The following RNF8 variants were observed in gnomAD, a reference collection of about 807,000 sequenced individuals.
RNF8 encodes ring finger protein 8, also known as E3 ubiquitin-protein ligase RNF8.
A neutral mutation model predicts 59.3 loss-of-function variants in RNF8; 8 were observed. That is an observed-to-expected ratio of 0.13 (90% CI 0.08 to 0.24). The LOEUF (loss-of-function observed/expected upper bound fraction) is 0.24, where lower values mean the gene tolerates loss of function less well. Ranked by LOEUF, RNF8 falls within the 10% of genes least tolerant of loss-of-function variation. RNF8 has a pLI of 1.00. For missense variants in RNF8, 406 were observed against 572.6 expected (o/e 0.71, Z 2.97); for synonymous variants, 162 against 200.0 (o/e 0.81, Z 1.60).
intron 6 of RNF8, among the ~76,000 whole-genome samples, chr6:37,378,761 C>A (rs1206530346): frequency 1.3e-5 from 2 of 152,128 alleles, no homozygotes; most frequent in African/African-American, 4.8e-5. Flanking sequence ...CGTAACTTCT[C>A]CCATAATTTC....
At chr6:37,385,730 T>G (rs1276709394) in intron 7 of RNF8, among the ~76,000 whole-genome samples, 1 of 152,208 alleles carries the variant, frequency 6.6e-6, no homozygotes, top group Non-Finnish European at 1.5e-5. Flanking sequence ...TAGAAGCTTT[T>G]TAATTTCTCT....
chr6:37,361,217 A>T, intron 2 of RNF8: 1 of 454,460 alleles, frequency 2.2e-6, no homozygotes, highest in Non-Finnish European at 4.4e-6. Flanking sequence ...TGTAGTCCCA[A>T]CTACTGGAGA....
rs1260197446 is a variant in RNF8 at position 37,367,243 on chromosome 6, A to G, written c.241-1241A>G. 2.6e-5 allele frequency among the ~76,000 whole-genome samples: 4 copies of G among 152,190 alleles called. No individual in the cohort carries two copies. The South Asian group carries it at 6.2e-4, about 24-fold the overall frequency. ...GAGACTTATTTTCCTCCATTTTATC[A>G]GTGCAGTAACTGGGCCATAAAGAGG... On this transcript the variant is annotated intron_variant, in intron 2 of 7. Transcript: ENST00000373479.
At chr6:37,357,030 C>A (rs919672136) in intron 1 of RNF8, among the ~76,000 whole-genome samples, 1 of 152,236 alleles carries the variant, frequency 6.6e-6, no homozygotes, top group Non-Finnish European at 1.5e-5. Flanking sequence ...TGAGCCACCA[C>A]ACCTGGCCAG....
rs2284923 is a variant in RNF8 at position 37,381,144 on chromosome 6, C to T, written c.1237-6C>T. 0.49 allele frequency: 787,449 copies of T among 1,610,168 alleles called. 198,017 individuals carry two copies. The highest frequency in any genetic ancestry group is 0.79 in the East Asian group (35,423 of 44,876). On this transcript the variant is annotated splice_polypyrimidine_tract_variant and splice_region_variant and intron_variant, in intron 6 of 7. Transcript: ENST00000373479. ...TCTGATATGTGTGTCCACATTCCTA[C>T]TGTAGGCTGTCACCTTGAACTGTGC...
chr6:37,355,059 C>T (rs182953854), intron 1 of RNF8, among the ~76,000 whole-genome samples: 1 of 152,140 alleles, frequency 6.6e-6, no homozygotes, highest in East Asian at 1.9e-4. Flanking sequence ...GGCTGCCTGT[C>T]GTCTTTATTA....
chr6:37,390,631 G>C, intron 7 of RNF8, 111 bp from the exon 8 acceptor site: 1 of 731,356 alleles, frequency 1.4e-6, no homozygotes, highest in Non-Finnish European at 2.4e-6. Flanking sequence ...TTCTCAGTTC[G>C]CTATGGCTGC....
rs1329234486 is a variant in RNF8, at chr6:37,394,552, A to G, written c.*3794A>G. Reference sequence around the variant, plus strand: ...AGTGATGGGCTACCTGAGCTCATCTAGTCGCCAAGCAGTATCTCCTGCTTG... The same window carrying G: ...AGTGATGGGCTACCTGAGCTCATCTGGTCGCCAAGCAGTATCTCCTGCTTG... On this transcript the variant is annotated 3_prime_UTR_variant, in exon 8 of 8. Transcript: ENST00000373479. 6.6e-6 allele frequency: 1 copy of G among 152,154 alleles called. No homozygotes were observed. The highest frequency in any genetic ancestry group is 2.4e-5 in the African/African-American group (1 of 41,426). 9.4% of individuals were successfully genotyped at this position (152,154 alleles called of 1,614,324 possible). A position where few individuals can be genotyped will look rare whatever the true frequency, so the allele number is the denominator to read the frequency against.
In RNF8 at chr6:37,374,674, A is replaced by G; in HGVS notation, c.1093A>G (p.Ile365Val). 1.9e-6 allele frequency: 3 copies of G among 1,614,154 alleles called. No individual in the cohort carries two copies. The highest frequency in any genetic ancestry group is 2.5e-6 in the Non-Finnish European group (3 of 1,180,016). Residue 365 changes from isoleucine (I) to valine (V), a missense_variant, in exon 5 of 8, where the codon ATT (isoleucine) becomes GTT (valine). By Grantham distance (29) the Ile-to-Val change is conservative. Around this residue, in one of 3 missense-constraint regions of RNF8, gnomAD observed 285 missense variants for 342.0 expected, o/e 0.83. Coordinates refer to ENST00000373479, the MANE Select transcript of RNF8 (RefSeq NM_003958.4). The stretch of plus-strand genomic sequence containing the variant: ...CAGCAAGAAGGACTTTGAAGCAATC[A>G]TTCAAGCCAAGAACAAAGAATTAGA... ...NRSKKDFEAI[I>V]QAKNKELEQT...
In RNF8 at chr6:37,391,958, C is replaced by T. The variant is rs1770737694; in HGVS notation, c.*1200C>T. ...GAGCCACCACGCCCAGCCTATACCC[C>T]ATGTATTTTCATAAAGGGTTGGAAA... is the stretch of plus-strand genomic sequence containing the variant. On this transcript the variant is annotated 3_prime_UTR_variant, in exon 8 of 8. Transcript: ENST00000373479. 6.6e-6 allele frequency: 1 copy of T among 152,280 alleles called. No homozygotes were observed. The highest frequency in any genetic ancestry group is 2.4e-5 in the African/African-American group (1 of 41,452). 9.4% of individuals were successfully genotyped at this position (152,280 alleles called of 1,614,324 possible). A position where few individuals can be genotyped will look rare whatever the true frequency, so the allele number is the denominator to read the frequency against.
rs548747416 is a variant in RNF8, at chr6:37,354,656, C to G, written c.111+381C>G. Among the ~76,000 whole-genome samples, 18 of 148,622 alleles carry G rather than the reference C, an allele frequency of 1.2e-4. No individual in the cohort carries two copies. The East Asian group carries it at 3.5e-3, about 29-fold the overall frequency. The stretch of plus-strand genomic sequence containing the variant: ...CAGAGAGGCCTGGGTCAGCGGGTAG[C>G]TGGGCCGGGGACTGGGAGGAGAGGG... On this transcript the variant is annotated intron_variant, in intron 1 of 7. Coordinates refer to ENST00000373479, the MANE Select transcript of RNF8 (RefSeq NM_003958.4).
Position 37,354,016 on chromosome 6 carries a change from A to C in RNF8, c.-149A>C. 1 of 722,040 alleles carries C rather than the reference A, an allele frequency of 1.4e-6. No individual in the cohort carries two copies. Among genetic ancestry groups the C allele is most frequent in the Non-Finnish European group, 2.3e-6 (1 of 427,372 alleles). 44.7% of individuals were successfully genotyped at this position (722,040 alleles called of 1,614,324 possible). ...CCTGCTTCCTGGCCGAGGGCGGGCG[A>C]GCGGAGCCTGCTTTCGCAGCGATCG... On this transcript the variant is annotated 5_prime_UTR_variant, in exon 1 of 8. Coordinates refer to ENST00000373479, the MANE Select transcript of RNF8 (RefSeq NM_003958.4).
In RNF8 at chr6:37,368,683, A is replaced by T. The variant is rs1769668637; in HGVS notation, c.440A>T (p.Asn147Ile). 6.2e-7 allele frequency: 1 copy of T among 1,613,708 alleles called. No individual in the cohort carries two copies. The highest frequency in any genetic ancestry group is 8.5e-7 in the Non-Finnish European group (1 of 1,179,978). ...SPKNDQMIEKNKELRTKRKFS... is the reference protein window; with the variant it reads ...SPKNDQMIEKIKELRTKRKFS... Reference sequence around the variant, plus strand: ...AAGAATGACCAAATGATAGAAAAAAATAAGGAATTGAGAACTAAAAGGAAA... The same window carrying T: ...AAGAATGACCAAATGATAGAAAAAATTAAGGAATTGAGAACTAAAAGGAAA... Residue 147 changes from asparagine to isoleucine, a missense_variant, in exon 3 of 8, where the codon AAT (asparagine) becomes ATT (isoleucine). Physicochemically the swap from Asn to Ile is moderately radical, Grantham distance 149 (BLOSUM62 -3). Around this residue, in one of 3 missense-constraint regions of RNF8, gnomAD observed 285 missense variants for 342.0 expected, o/e 0.83. Transcript: ENST00000373479.
intron 4 of RNF8, 116 bp downstream of exon 4, chr6:37,371,690 C>A: frequency 1.3e-6 from 1 of 743,110 alleles, no homozygotes. Context: ...CATCCCCAGT[C>A]TGTAAACAGA....
chr6:37,369,264 C>A, intron 3 of RNF8, 46 bp downstream of exon 3: 1 of 1,521,520 alleles, frequency 6.6e-7, no homozygotes, highest in Non-Finnish European at 8.8e-7. Flanking sequence ...AGGGGTGGGG[C>A]AGGCACTTCA....
intron 6 of RNF8, among the ~76,000 whole-genome samples, chr6:37,379,908 T>TTTTG (rs771255393): frequency 6.6e-6 from 1 of 152,024 alleles, no homozygotes; most frequent in Non-Finnish European, 1.5e-5. Context: ...TATTGTTTGT[T>TTTTG]TTTGTTTGTT....
Position 37,374,507 on chromosome 6 carries a change from C to T in RNF8, c.1039-113C>T, listed in dbSNP as rs563920928. ...TATTATTTTGAAATTGCCAATTTAT[C>T]GATCCCTGAACCACAAAGTCACTAA... On this transcript the variant is annotated intron_variant, in intron 4 of 7. Transcript: ENST00000373479. The T allele has an allele frequency of 4.6e-5, 33 of 717,062 alleles. 1 individual carries two copies. The highest frequency in any genetic ancestry group is 4.3e-4 in the South Asian group (24 of 55,818). The allele number at this position is 717,062 out of a possible 1,614,324, so 44.4% of individuals were successfully genotyped here.
Position 37,387,622 on chromosome 6 carries a change from A to G in RNF8, c.1442-3120A>G, listed in dbSNP as rs998076429. Among the ~76,000 whole-genome samples, 6 of 152,202 alleles carry G rather than the reference A, an allele frequency of 3.9e-5. No homozygotes were observed. The South Asian group carries it at 1.2e-3, about 32-fold the overall frequency. On this transcript the variant is annotated intron_variant, in intron 7 of 7. Transcript: ENST00000373479. ...TTCCCACAGCGCTGGGGTTATAGGC[A>G]TGCGCCACCACGCCCAGTCCTGGGT...
chr6:37,361,528 C>A, intron 2 of RNF8: 2 of 347,618 alleles, frequency 5.8e-6, no homozygotes, highest in Non-Finnish European at 1.1e-5. Flanking sequence ...ATACAAGCAC[C>A]GAGGAATGTG....
Sources: allele counts gnomAD v4.1 joint callset (sites outside exome capture counted in the v4.1 genomes callset), GRCh38; gene constraint gnomAD v4.1.1; regional missense constraint gnomAD v4.1.1; transcripts MANE v1.5; gene names NCBI Gene and HGNC (gene_info 2026-07-23, HGNC 2026-07-21).